The following ALOX5 variants were observed in gnomAD, a reference collection of about 807,000 sequenced individuals.
ALOX5 encodes the protein polyunsaturated fatty acid 5-lipoxygenase.
In ALOX5, 64 loss-of-function variants were observed where a neutral mutation model predicts 87.9. That is an observed-to-expected ratio of 0.73 (90% CI 0.60 to 0.90). The LOEUF (loss-of-function observed/expected upper bound fraction) is 0.90, where lower values mean the gene tolerates loss of function less well. Among genes scored for constraint, ALOX5 ranks in the 40% least tolerant of loss-of-function variants. ALOX5 has a pLI of 0.00. For synonymous variants in ALOX5, 388 were observed against 355.1 expected, an observed-to-expected ratio of 1.09 and a Z score of -1.04; for missense variants, 822 against 907.5, an observed-to-expected ratio of 0.91 and a Z score of 1.21.
chr10:45,418,302 G>T (rs1043218935), intron 4 of ALOX5, among the ~76,000 whole-genome samples: 2 of 152,076 alleles, frequency 1.3e-5, no homozygotes. Context: ...GGGTTGGGGG[G>T]ACCCTAGGAA....
At chr10:45,419,002 CGGG>C (rs1446401767) in intron 4 of ALOX5, among the ~76,000 whole-genome samples, 6 of 152,180 alleles carry the variant, frequency 3.9e-5, no homozygotes. Context: ...TGAGAATGGG[CGGG>C]GGCAGCTCCG....
Position 45,445,995 on chromosome 10 carries a change from G to A in ALOX5, c.*308G>A, listed in dbSNP as rs1477701183. ...ATGTCTATTCTTGTTGGAGACATGG[G>A]ATGATTATTTTCTGTTCTATTTGTG... On this transcript the variant is annotated 3_prime_UTR_variant, in exon 14 of 14. Coordinates refer to ENST00000374391, the MANE Select transcript of ALOX5 (RefSeq NM_000698.5). The A allele has an allele frequency of 2.7e-6, 1 of 366,206 alleles. No individual in the cohort carries two copies. The highest frequency in any genetic ancestry group is 4.2e-5 in the East Asian group (1 of 23,746). 22.7% of individuals were successfully genotyped at this position (366,206 alleles called of 1,614,324 possible).
intron 1 of ALOX5, 82 bp from the exon 2 acceptor site, chr10:45,382,401 C>G (rs1839861807): frequency 6.8e-7 from 1 of 1,481,032 alleles, no homozygotes; most frequent in Non-Finnish European, 9.4e-7. Flanking sequence ...AGCAGCATAC[C>G]TTGGGGTGAC....
intron 7 of ALOX5, among the ~76,000 whole-genome samples, chr10:45,432,357 C>CT (rs1329099413): frequency 2.8e-5 from 4 of 140,840 alleles, no homozygotes; most frequent in African/African-American, 1.1e-4. Flanking sequence ...AAGACCCTAT[C>CT]TTTAAAAAAA....
intron 3 of ALOX5, among the ~76,000 whole-genome samples, chr10:45,403,195 A>T (rs1031974782): frequency 2.6e-5 from 4 of 152,242 alleles, no homozygotes; most frequent in Non-Finnish European, 4.4e-5. Context: ...AGCATTACTC[A>T]TGATGGCCAA....
chr10:45,427,473 G>T (rs1182253073), intron 6 of ALOX5, among the ~76,000 whole-genome samples: 1 of 152,212 alleles, frequency 6.6e-6, no homozygotes, highest in Admixed American at 6.5e-5. Flanking sequence ...CCACATAAAG[G>T]AGGAGGGCGG....
intron 2 of ALOX5, among the ~76,000 whole-genome samples, chr10:45,390,845 G>A (rs896183583): frequency 1.3e-5 from 2 of 152,160 alleles, no homozygotes; most frequent in Non-Finnish European, 2.9e-5. Flanking sequence ...TAAGATCAGA[G>A]CAGAACTGAA....
intron 2 of ALOX5, among the ~76,000 whole-genome samples, chr10:45,388,656 A>T (rs1173905838): frequency 6.6e-6 from 1 of 152,266 alleles, no homozygotes; most frequent in Non-Finnish European, 1.5e-5. Context: ...AAACTAACAA[A>T]CAGAAAGGAC....
At position 45,445,779 on chromosome 10, in the gene ALOX5, A is replaced by G. The variant is rs939396541; in HGVS notation, c.*92A>G. The G allele has an allele frequency of 2.2e-6, 3 of 1,376,390 alleles. No individual in the cohort carries two copies. Among genetic ancestry groups the G allele is most frequent in the Admixed American group, 2.0e-5 (1 of 49,730 alleles). The allele number at this position is 1,376,390 out of a possible 1,614,324, so 85.3% of individuals were successfully genotyped here. ...AGGCTGTCTGGCCAGGCCTCTTGGC[A>G]GTCACATCTCTTCCTCCGAGGCCAG... On this transcript the variant is annotated 3_prime_UTR_variant, in exon 14 of 14. Coordinates refer to ENST00000374391, the MANE Select transcript of ALOX5 (RefSeq NM_000698.5).
chr10:45,416,312 G>T (rs1463562854), intron 4 of ALOX5, among the ~76,000 whole-genome samples: 3 of 152,114 alleles, frequency 2.0e-5, no homozygotes, highest in Non-Finnish European at 4.4e-5. Flanking sequence ...TTGAATCCAG[G>T]TCTGTTTGTG....
intron 1 of ALOX5, among the ~76,000 whole-genome samples, chr10:45,378,400 C>G (rs191828179): frequency 2.6e-5 from 4 of 152,292 alleles, no homozygotes; most frequent in Non-Finnish European, 5.9e-5. Context: ...GCCTCAGTTT[C>G]TATCTGTAAA....
intron 3 of ALOX5, among the ~76,000 whole-genome samples, chr10:45,411,420 C>T (rs1841060212): frequency 6.6e-6 from 1 of 152,154 alleles, no homozygotes; most frequent in Non-Finnish European, 1.5e-5. Context: ...GGTTCAAACA[C>T]CTCTGACATT....
At chr10:45,385,812 T>A (rs1026369338) in intron 2 of ALOX5, among the ~76,000 whole-genome samples, 4 of 152,144 alleles carry the variant, frequency 2.6e-5, no homozygotes, top group African/African-American at 9.7e-5. Flanking sequence ...TGGACCCCAG[T>A]TCCAAGCTCA....
At chr10:45,409,552 GCTTTCTC>G (rs1840995350) in intron 3 of ALOX5, among the ~76,000 whole-genome samples, 2 of 92,940 alleles carry the variant, frequency 2.2e-5, no homozygotes, top group Middle Eastern at 6.0e-3. Context: ...TGTCTCTCTT[GCTTTCTC>G]TCTCTCTCTT....
chr10:45,433,044 A>G (rs544871506), intron 7 of ALOX5, among the ~76,000 whole-genome samples: 2 of 152,388 alleles, frequency 1.3e-5, no homozygotes, highest in African/African-American at 2.4e-5. Context: ...GGCAACCAGC[A>G]TATGGAAAAA....
chr10:45,410,847 G>A lies in ALOX5; in HGVS notation c.432-1344G>A, dbSNP rs7922292. Among the ~76,000 whole-genome samples the A allele has an allele frequency of 2.2e-3, 336 of 152,228 alleles. 1 individual carries two copies. The highest frequency in any genetic ancestry group is 7.7e-3 in the African/African-American group (318 of 41,530). On this transcript the variant is annotated intron_variant, in intron 3 of 13. Coordinates refer to ENST00000374391, the MANE Select transcript of ALOX5 (RefSeq NM_000698.5). ...ATCCAGACCCCAAGAGAGAGTTCTT[G>A]GACCTCCACAGGAAAGAATTCAGGG...
rs570713138 is a variant in ALOX5 at position 45,422,436 on chromosome 10, G to A, written c.555-1605G>A. 2.0e-5 allele frequency among the ~76,000 whole-genome samples: 3 copies of A among 152,306 alleles called. No homozygotes were observed. The South Asian group carries it at 6.2e-4, about 32-fold the overall frequency. ...GAGCACTGGGTCCTGGCCACCTAGG[G>A]CTGCCTCCTCAGGGGTGGGCAGGAA... On this transcript the variant is annotated intron_variant, in intron 4 of 13. Coordinates refer to ENST00000374391, the MANE Select transcript of ALOX5 (RefSeq NM_000698.5).
Position 45,425,130 on chromosome 10 carries a change from C to T in ALOX5, c.832C>T (p.Gln278Ter), listed in dbSNP as rs776613248. The change falls in exon 6 of 14, where the codon CAG (glutamine) becomes TAG (stop). Residue 278 changes from glutamine (Q) to a stop codon, truncating the protein, a stop_gained and splice_region_variant. Coordinates refer to ENST00000374391, the MANE Select transcript of ALOX5 (RefSeq NM_000698.5). LOFTEE classifies it high-confidence loss of function. This position sits in a 1 kb window ranked among gnomAD's most constrained non-coding sequence, Gnocchi z 4.4. ...ERQLSLEQEV[Q>*]QGNIFIVDFE... ...GCAGCTCAGCTTGGAGCAGGAGGTC[C>T]AGGTAGGGGTTGATGGGCTGGGGAA... 8 of 1,613,062 alleles carry T rather than the reference C, an allele frequency of 5.0e-6. 1 individual carries two copies. The South Asian group carries it at 8.8e-5, about 18-fold the overall frequency.
chr10:45,444,189 T>G lies in ALOX5; in HGVS notation c.1748T>G (p.Val583Gly), dbSNP rs778252917. The G allele has an allele frequency of 2.8e-5, 43 of 1,556,906 alleles. No individual in the cohort carries two copies. The Admixed American group carries it at 8.1e-4, about 29-fold the overall frequency. ...CCGCCACCGACTGCCAAGGGCGTGG[T>G]GACCATTGAGCAGATCGTGGACACG... ...RAPPPTAKGV[V>G]TIEQIVDTLP... Residue 583 changes from valine (V) to glycine (G), a missense_variant, in exon 13 of 14, where the codon GTG becomes GGG. Physicochemically the swap from Val to Gly is moderately radical, Grantham distance 109. Transcript: ENST00000374391.
Sources: gnomAD v4.1 joint callset for allele counts (sites outside exome capture counted in the v4.1 genomes callset) on GRCh38, gnomAD v4.1.1 for gene constraint, Gnocchi (gnomAD v3.1) non-coding constraint, MANE v1.5 for transcripts, NCBI Gene and HGNC (gene_info 2026-07-23, HGNC 2026-07-21) for gene names.